The following IL1RAPL2 variants were observed in gnomAD, a reference collection of about 807,000 sequenced individuals.
IL1RAPL2 encodes the protein X-linked interleukin-1 receptor accessory protein-like 2.
In IL1RAPL2, 3 loss-of-function variants were observed where a neutral mutation model predicts 44.1. That is an observed-to-expected ratio of 0.07 (90% CI 0.03 to 0.18). IL1RAPL2 has a LOEUF of 0.18. Ranked by LOEUF, IL1RAPL2 falls within the 10% of genes least tolerant of loss-of-function variation. IL1RAPL2 has a pLI of 1.00. For synonymous variants in IL1RAPL2, 181 were observed against 178.8 expected, an observed-to-expected ratio of 1.01 and a Z score of -0.10; for missense variants, 391 against 496.4, an observed-to-expected ratio of 0.79 and a Z score of 2.02.
At chrX:104,936,621 C>CTTTTT (rs1186693127) in intron 2 of IL1RAPL2, among the ~76,000 whole-genome samples, 3 of 88,585 alleles carry the variant, frequency 3.4e-5, no homozygotes, top group African/African-American at 9.1e-5. Context: ...TTACCAGACT[C>CTTTTT]TTTTTTTTTT....
chrX:104,840,235 C>T (rs1278104066), intron 2 of IL1RAPL2, among the ~76,000 whole-genome samples: 1 of 111,785 alleles, frequency 8.9e-6, no homozygotes, highest in Non-Finnish European at 1.9e-5. Context: ...ACTGCTTTAG[C>T]TGTGTCCCAG....
chrX:105,104,295 A>G (rs2032709374), intron 2 of IL1RAPL2, among the ~76,000 whole-genome samples: 1 of 111,805 alleles, frequency 8.9e-6, no homozygotes, highest in African/African-American at 3.3e-5. Context: ...AGTTTCAGAA[A>G]AAAACACTAG....
At position 105,315,582 on chromosome X, in the gene IL1RAPL2, A is replaced by ATATATATATATATATATATATATATATG. The variant is rs1569422595; in HGVS notation, c.697+48060_697+48061insATATATATGTATATATATATATATATAT. Among the ~76,000 whole-genome samples the ATATATATATATATATATATATATATATG allele has an allele frequency of 2.5e-4, 13 of 52,980 alleles. 2 individuals carry two copies. The South Asian group carries it at 0.021, about 87-fold the overall frequency. The allele number at this position is 52,980 out of a possible 115,157, so 46.0% of individuals were successfully genotyped here. On this transcript the variant is annotated intron_variant, in intron 5 of 10. Coordinates refer to ENST00000372582, the MANE Select transcript of IL1RAPL2 (RefSeq NM_017416.2). ...AGAGGGACAGAACTAATGGATGTATATATATATATATATATATATGGTTTT... is the reference window on the plus strand; with the variant it reads ...AGAGGGACAGAACTAATGGATGTATATATATATATATATATATATATATATATGTATATATATATATATATATGGTTTT...
At chrX:104,659,039 G>T in intron 2 of IL1RAPL2, 44 bp downstream of exon 2, 1 of 965,274 alleles carries the variant, frequency 1.0e-6, no homozygotes, top group Non-Finnish European at 1.5e-6. Flanking sequence ...AAAATGTACA[G>T]TTTTGTGAGC....
chrX:105,593,973 T>C (rs1006466984), intron 6 of IL1RAPL2, among the ~76,000 whole-genome samples: 5 of 112,223 alleles, frequency 4.5e-5, no homozygotes, highest in Admixed American at 2.8e-4. Context: ...ACAGAGAATA[T>C]TGTCAGTACG....
At chrX:104,715,432 AAAC>A (rs1214097389) in intron 2 of IL1RAPL2, among the ~76,000 whole-genome samples, 1 of 107,228 alleles carries the variant, frequency 9.3e-6, no homozygotes, top group Non-Finnish European at 1.9e-5. Context: ...AAAAAAAAAA[AAAC>A]CAGATCCTGG....
chrX:105,128,123 G>T (rs930598722), intron 2 of IL1RAPL2, among the ~76,000 whole-genome samples: 2 of 110,620 alleles, frequency 1.8e-5, no homozygotes, highest in Non-Finnish European at 3.8e-5. Context: ...TTAAGCAGTG[G>T]CTAAGGAAAG....
intron 2 of IL1RAPL2, among the ~76,000 whole-genome samples, chrX:104,923,197 TAGA>T (rs774574215): frequency 0.011 from 1,251 of 112,024 alleles, 10 homozygotes; most frequent in Non-Finnish European, 0.017. Context: ...ATTCCTGAAG[TAGA>T]AGAAGAAAAT....
At position 105,229,685 on chromosome X, in the gene IL1RAPL2, C is replaced by T. The variant is rs182451787; in HGVS notation, c.357-4133C>T. ...TTTATACTTTGGAGAGGTCAGGGAACGAACACATGAATGGCTCTTGTCTTG... is the reference window on the plus strand; with the variant it reads ...TTTATACTTTGGAGAGGTCAGGGAATGAACACATGAATGGCTCTTGTCTTG... On this transcript the variant is annotated intron_variant, in intron 3 of 10. Transcript: ENST00000372582. Among the ~76,000 whole-genome samples the T allele has an allele frequency of 1.8e-4, 20 of 112,136 alleles. 1 individual carries two copies. Among genetic ancestry groups the T allele is most frequent in the Admixed American group, 1.6e-3 (17 of 10,621 alleles).
intron 2 of IL1RAPL2, among the ~76,000 whole-genome samples, chrX:104,872,281 G>A (rs891599966): frequency 6.3e-5 from 7 of 111,681 alleles, no homozygotes; most frequent in African/African-American, 2.0e-4. Flanking sequence ...CTAATGCCTC[G>A]TATGTTGGGA....
At chrX:104,715,919 G>C (rs1026280353) in intron 2 of IL1RAPL2, among the ~76,000 whole-genome samples, 1 of 110,654 alleles carries the variant, frequency 9.0e-6, no homozygotes, top group African/African-American at 3.3e-5. Context: ...ATTCTTTACC[G>C]AACTAGTGAA....
chrX:105,022,598 G>A (rs1380056581), intron 2 of IL1RAPL2, among the ~76,000 whole-genome samples: 1 of 111,105 alleles, frequency 9.0e-6, no homozygotes, highest in African/African-American at 3.3e-5. Flanking sequence ...TTTCATGGGT[G>A]CTAACCACAC....
At chrX:104,622,782 A>G (rs1929425137) in intron 1 of IL1RAPL2, among the ~76,000 whole-genome samples, 4 of 112,248 alleles carry the variant, frequency 3.6e-5, no homozygotes, top group Admixed American at 1.9e-4. Context: ...GTACCAATGA[A>G]TCCCAGAGGG....
chrX:104,951,250 CATTT>C (rs1364666175), intron 2 of IL1RAPL2, among the ~76,000 whole-genome samples: 2 of 112,390 alleles, frequency 1.8e-5, no homozygotes, highest in Non-Finnish European at 3.8e-5. Context: ...AGTTATATAA[CATTT>C]GCTACAGTTC....
rs147374873 is a variant in IL1RAPL2, at chrX:104,872,996, A to C, written c.82+214001A>C. 7.1e-5 allele frequency among the ~76,000 whole-genome samples: 8 copies of C among 112,002 alleles called. No homozygotes were observed. The East Asian group carries it at 1.7e-3, about 24-fold the overall frequency. On this transcript the variant is annotated intron_variant, in intron 2 of 10. Transcript: ENST00000372582. ...AGCAATAAAAGGTGACTTCAAATTA[A>C]GAAATTTATAATTGCGTATGTGTAT...
chrX:105,663,681 C>G (rs1397734092), intron 6 of IL1RAPL2, among the ~76,000 whole-genome samples: 1 of 111,391 alleles, frequency 9.0e-6, no homozygotes. Context: ...TGGATAATAC[C>G]ATGAGAACCC....
chrX:104,731,669 C>T (rs766394387), intron 2 of IL1RAPL2, among the ~76,000 whole-genome samples: 26 of 111,555 alleles, frequency 2.3e-4, no homozygotes, highest in Non-Finnish European at 4.7e-4. Flanking sequence ...TCCCAAAGTG[C>T]TAGGATTAAA....
chrX:105,292,428 C>G (rs1237947890), intron 5 of IL1RAPL2, among the ~76,000 whole-genome samples: 1 of 111,958 alleles, frequency 8.9e-6, no homozygotes, highest in African/African-American at 3.2e-5. Context: ...ATCATCCACA[C>G]TTTTTTGAAA....
chrX:104,588,186 A>G (rs1928599874), intron 1 of IL1RAPL2, among the ~76,000 whole-genome samples: 1 of 110,826 alleles, frequency 9.0e-6, no homozygotes, highest in African/African-American at 3.3e-5. Context: ...ACTAACCACT[A>G]AGTTGTGCGT....
Sources: allele counts gnomAD v4.1 joint callset (sites outside exome capture counted in the v4.1 genomes callset), GRCh38; gene constraint gnomAD v4.1.1; transcripts MANE v1.5; gene names NCBI Gene and HGNC (gene_info 2026-07-23, HGNC 2026-07-21).